Variants in DNAH17 observed in about 807,000 individuals in gnomAD.
DNAH17 encodes the protein axonemal beta dynein heavy chain 17.
DNAH17 carries 376 observed loss-of-function variants against 485.6 expected under a neutral mutation model. That is an observed-to-expected ratio of 0.77 (90% CI 0.71 to 0.84). DNAH17 has a LOEUF of 0.84. Among genes scored for constraint, DNAH17 ranks in the 40% least tolerant of loss-of-function variants. The probability of loss-of-function intolerance (pLI) is 0.00; values close to 1 mark genes in which losing one functional copy is unlikely to be tolerated. For missense variants in DNAH17, 6,370 were observed against 5,839.3 expected (o/e 1.09, Z -2.96); for synonymous variants, 3,031 against 2,405.9 (o/e 1.26, Z -7.60).
In DNAH17 at chr17:78,574,877, T is replaced by C. The variant is rs752641967; in HGVS notation, c.181A>G (p.Met61Val). Residue 61 changes from methionine (M) to valine (V), a missense_variant, in exon 2 of 81, where the codon ATG becomes GTG. Transcript: ENST00000389840. Reference protein sequence around the residue: ...VLVLTLNAAGMIIPCLGFPQS... With the variant: ...VLVLTLNAAGVIIPCLGFPQS... ...GGGAAGCCCAGGCAGGGTATGATCATGCCGGCTGCATTGAGCGTCAGCACC... is the reference window on the plus strand; with the variant it reads ...GGGAAGCCCAGGCAGGGTATGATCACGCCGGCTGCATTGAGCGTCAGCACC... 3.7e-4 allele frequency: 597 copies of C among 1,613,920 alleles called. 1 individual carries two copies. The highest frequency in any genetic ancestry group is 4.8e-4 in the Non-Finnish European group (571 of 1,179,900).
Position 78,529,573 on chromosome 17 carries a change from G to C in DNAH17, c.3406C>G (p.Gln1136Glu). Residue 1136 changes from glutamine to glutamate, a missense_variant, in exon 22 of 81, where the codon CAA (glutamine) becomes GAA (glutamate). Coordinates refer to ENST00000389840, the MANE Select transcript of DNAH17 (RefSeq NM_173628.4). ...TCAAACATGTTGTCGGTGGCTGCTT[G>C]CCTCTCCTTGACTTTCATCAGGTGC... ...MGHLMKVKER[Q>E]AATDNMFEPL... is the part of the protein sequence containing the mutation. 6.2e-7 allele frequency: 1 copy of C among 1,613,912 alleles called. No individual in the cohort carries two copies. Among genetic ancestry groups the C allele is most frequent in the East Asian group, 2.2e-5 (1 of 44,864 alleles).
intron 13 of DNAH17, among the ~76,000 whole-genome samples, chr17:78,559,237 T>TC (rs1423070899): frequency 6.6e-6 from 1 of 152,216 alleles, no homozygotes; most frequent in Non-Finnish European, 1.5e-5. Context: ...CCAGCCTCTC[T>TC]CGTGACTTCC....
chr17:78,430,972 C>T (rs1292385067), intron 75 of DNAH17, among the ~76,000 whole-genome samples: 1 of 151,434 alleles, frequency 6.6e-6, no homozygotes, highest in African/African-American at 2.5e-5. Context: ...CCTTGATCTC[C>T]TGGGTTCAAG....
At position 78,459,807 on chromosome 17, in the gene DNAH17, A is replaced by G. The variant is rs1045477895; in HGVS notation, c.9630T>C (p.Pro3210=). The part of the protein sequence containing the change: ...SLKKFDKEHI[P]EACLKAFKPY... ...ACTTGAAGGCCTTCAGGCAGGCCTC[A>G]GGGATGTGCTCCTTGTCGAACTTCT... Residue 3210 remains proline, a synonymous_variant, in exon 60 of 81, where the codon CCT becomes CCC. Coordinates refer to ENST00000389840, the MANE Select transcript of DNAH17 (RefSeq NM_173628.4). The G allele has an allele frequency of 1.9e-6, 3 of 1,613,922 alleles. No homozygotes were observed. The highest frequency in any genetic ancestry group is 2.7e-5 in the African/African-American group (2 of 74,946).
At chr17:78,502,781 A>G in intron 32 of DNAH17, 83 bp from the exon 33 acceptor site, 1 of 1,589,892 alleles carries the variant, frequency 6.3e-7, no homozygotes, top group Non-Finnish European at 8.5e-7. Flanking sequence ...GAAAGCTTAG[A>G]TGGTTTTCCA....
intron 27 of DNAH17, 101 bp downstream of exon 27, chr17:78,510,283 G>C: frequency 6.5e-7 from 1 of 1,540,118 alleles, no homozygotes; most frequent in Non-Finnish European, 8.8e-7. Flanking sequence ...TCCCGTGAGA[G>C]CCTTGGGGCT....
Position 78,567,109 on chromosome 17 carries a change from C to A in DNAH17, c.1342G>T (p.Val448Leu). 6.2e-7 allele frequency: 1 copy of A among 1,611,966 alleles called. No individual in the cohort carries two copies. Among genetic ancestry groups the A allele is most frequent in the African/African-American group, 1.3e-5 (1 of 74,982 alleles). ...LKLEKIELGG[V>L]RGNLLGSLVT... ...AGGCTCCCGAGGAGGTTCCCACGCA[C>A]GCCCCCAAGCTCGATTTTCTCCAGC... The change falls in exon 10 of 81, where the codon GTG becomes TTG. Residue 448 changes from valine (V) to leucine (L), a missense_variant. Val to Leu is a conservative substitution (Grantham distance 32). Coordinates refer to ENST00000389840, the MANE Select transcript of DNAH17 (RefSeq NM_173628.4).
rs749275299 is a variant in DNAH17 at position 78,459,947 on chromosome 17, C to T, written c.9490G>A (p.Val3164Ile). The stretch of plus-strand genomic sequence containing the variant: ...GTCAGAATCATGACGGCGGCGGTGA[C>T]GTTGACCACAGCATCCGGCGGGGAC... ...FGSPPDAVVN[V>I]TAAVMILTAP... Residue 3164 changes from valine (V) to isoleucine (I), a missense_variant, in exon 60 of 81, where the codon GTC becomes ATC. Val to Ile is a conservative substitution (Grantham distance 29, BLOSUM62 3). Coordinates refer to ENST00000389840, the MANE Select transcript of DNAH17 (RefSeq NM_173628.4). 85 of 1,613,530 alleles carry T rather than the reference C, an allele frequency of 5.3e-5. No individual in the cohort carries two copies. The highest frequency in any genetic ancestry group is 1.1e-4 in the African/African-American group (8 of 74,900).
At position 78,569,705 on chromosome 17, in the gene DNAH17, C is replaced by T. The variant is rs12103538; in HGVS notation, c.1045-178G>A. ...GACCGAGCTGCTTCCCCTCCTCGGC[C>T]CCTCATCCTTTGCCAAGGCTGCAGC... On this transcript the variant is annotated intron_variant, in intron 7 of 80. Transcript: ENST00000389840. 0.11 allele frequency among the ~76,000 whole-genome samples: 17,333 copies of T among 152,284 alleles called. 2,020 individuals are homozygous for T. Among genetic ancestry groups the T allele is most frequent in the African/African-American group, 0.3 (12,496 of 41,518 alleles).
chr17:78,560,743 T>C lies in DNAH17; in HGVS notation c.2028A>G (p.Lys676=), dbSNP rs1339600106. The C allele has an allele frequency of 3.9e-6, 6 of 1,549,248 alleles. No homozygotes were observed. In the East Asian group the frequency reaches 1.2e-4, roughly 32 times the overall value. The change falls in exon 13 of 81, where the codon AAA becomes AAG. Residue 676 remains lysine (K), a synonymous_variant. Coordinates refer to ENST00000389840, the MANE Select transcript of DNAH17 (RefSeq NM_173628.4). The part of the protein sequence containing the change: ...ASNLIHVNFS[K]ALVAVLREVK... ...GGTCCCCACTCCTGGCACCCACCGC[T>C]TTGCTGAAGTTGACGTGGATGAGGT...
intron 16 of DNAH17, among the ~76,000 whole-genome samples, chr17:78,544,875 G>A (rs962062366): frequency 1.0e-4 from 15 of 145,412 alleles, no homozygotes; most frequent in African/African-American, 3.8e-4. Flanking sequence ...ACTGTTATCT[G>A]TCATTAGATT....
chr17:78,481,611 G>A (rs1314983409), intron 48 of DNAH17, among the ~76,000 whole-genome samples: 3 of 152,162 alleles, frequency 2.0e-5, no homozygotes, highest in South Asian at 4.1e-4. Flanking sequence ...AGGATAAAAT[G>A]AGCTAACATA....
rs377127045 is a variant in DNAH17, at chr17:78,490,861, A to G, written c.6670-14T>C. 1.3e-4 allele frequency: 199 copies of G among 1,585,036 alleles called. No individual in the cohort carries two copies. The highest frequency in any genetic ancestry group is 1.6e-4 in the Non-Finnish European group (186 of 1,164,032). On this transcript the variant is annotated splice_polypyrimidine_tract_variant and intron_variant, in intron 43 of 80. Coordinates refer to ENST00000389840, the MANE Select transcript of DNAH17 (RefSeq NM_173628.4). The stretch of plus-strand genomic sequence containing the variant: ...CAGGGTGAGGACCTAGGAGGGGGAC[A>G]GCAGCCCGTGGGGTCCTAAGGCGAC...
intron 36 of DNAH17, 48 bp from the exon 37 acceptor site, chr17:78,499,160 AG>A: frequency 8.5e-7 from 1 of 1,174,722 alleles, no homozygotes; most frequent in Non-Finnish European, 1.2e-6. Flanking sequence ...GGTGACAGGG[AG>A]GGCGGGCGCT....
rs770497610 is a variant in DNAH17, at chr17:78,476,622, G to A, written c.8104C>T (p.Gln2702Ter). 1 of 1,611,720 alleles carries A rather than the reference G, an allele frequency of 6.2e-7. No individual in the cohort carries two copies. The highest frequency in any genetic ancestry group is 8.5e-7 in the Non-Finnish European group (1 of 1,178,944). The change falls in exon 52 of 81, where the codon CAG becomes TAG. Residue 2702 changes from glutamine to a stop codon, truncating the protein, a stop_gained. Coordinates refer to ENST00000389840, the MANE Select transcript of DNAH17 (RefSeq NM_173628.4). LOFTEE classifies it high-confidence loss of function. ...ATGGTGACTCTATGCAATGTTTCCT[G>A]GTCTTTTTCGTCAACCATTTTGTCA... is the stretch of plus-strand genomic sequence containing the variant. The part of the protein sequence containing the change: ...YGDKMVDEKD[Q>*]ETLHRVTMAS...
At chr17:78,458,759 C>T in intron 61 of DNAH17, 79 bp from the exon 62 acceptor site, 1 of 1,320,856 alleles carries the variant, frequency 7.6e-7, no homozygotes. Flanking sequence ...AGGGCTGGGC[C>T]CTGTGAGCGC....
At position 78,515,513 on chromosome 17, in the gene DNAH17, AAAAT is replaced by A. The variant is rs1047764641; in HGVS notation, c.3865-495_3865-492del. ...GACAGAGTGAGACTCCATCTCAAAA[AAAAT>A]AAATAAAAATAAAAGTTAGCAGTTA... On this transcript the variant is annotated intron_variant, in intron 25 of 80. Coordinates refer to ENST00000389840, the MANE Select transcript of DNAH17 (RefSeq NM_173628.4). 1.9e-4 allele frequency among the ~76,000 whole-genome samples: 29 copies of A among 151,480 alleles called. 1 individual carries two copies. Among genetic ancestry groups the A allele is most frequent in the Admixed American group, 6.6e-4 (10 of 15,258 alleles).
intron 56 of DNAH17, among the ~76,000 whole-genome samples, chr17:78,465,073 T>G (rs2088351356): frequency 6.6e-6 from 1 of 152,138 alleles, no homozygotes; most frequent in African/African-American, 2.4e-5. Context: ...GCCCAGTGCC[T>G]GCGATTGCAG....
chr17:78,549,153 G>A (rs530398998), intron 16 of DNAH17, among the ~76,000 whole-genome samples: 1 of 152,342 alleles, frequency 6.6e-6, no homozygotes, highest in South Asian at 2.1e-4. Context: ...CCTAGCTCCT[G>A]TGTGGTTGTA....
Sources: allele counts gnomAD v4.1 joint callset (sites outside exome capture counted in the v4.1 genomes callset), GRCh38; gene constraint gnomAD v4.1.1; transcripts MANE v1.5; gene names NCBI Gene and HGNC (gene_info 2026-07-23, HGNC 2026-07-21).